RABGAP1L: variants seen among roughly 807,000 people sequenced by gnomAD.
RABGAP1L encodes the protein rab GTPase-activating protein 1-like.
In RABGAP1L, 63 loss-of-function variants were observed where a neutral mutation model predicts 137.7. That is an observed-to-expected ratio of 0.46 (90% CI 0.37 to 0.56). RABGAP1L has a LOEUF of 0.56. Ranked by LOEUF, RABGAP1L falls within the 20% of genes least tolerant of loss-of-function variation. The probability of loss-of-function intolerance (pLI) is 0.00; values close to 1 mark genes in which losing one functional copy is unlikely to be tolerated. For missense variants in RABGAP1L, 1,095 were observed against 1,244.0 expected (o/e 0.88, Z 1.80); for synonymous variants, 431 against 433.7 (o/e 0.99, Z 0.08).
Position 174,829,459 on chromosome 1 carries a change from A to G in RABGAP1L, c.2340+17499A>G, listed in dbSNP as rs559101336. Among the ~76,000 whole-genome samples, 6 of 148,582 alleles carry G rather than the reference A, an allele frequency of 4.0e-5. 2 individuals are homozygous for G. The East Asian group carries it at 1.3e-3, about 31-fold the overall frequency. ...ACCATTCCAGACCGTTAAGACTTAGATAGAAGGTCATCATTCTTCCTTGAT... is the reference window on the plus strand; with the variant it reads ...ACCATTCCAGACCGTTAAGACTTAGGTAGAAGGTCATCATTCTTCCTTGAT... On this transcript the variant is annotated intron_variant, in intron 19 of 25. Transcript: ENST00000681986.
intron 11 of RABGAP1L, among the ~76,000 whole-genome samples, chr1:174,314,309 A>G (rs1193091176): frequency 2.6e-5 from 4 of 152,172 alleles, no homozygotes; most frequent in Non-Finnish European, 5.9e-5. Context: ...AGTTGCGCAT[A>G]GTAACCACTG....
chr1:174,631,741 G>T (rs1353836905), intron 13 of RABGAP1L, among the ~76,000 whole-genome samples: 1 of 140,430 alleles, frequency 7.1e-6, no homozygotes, highest in East Asian at 2.1e-4. Context: ...TTTTCCATTT[G>T]CTTGGTAGAT....
In RABGAP1L at chr1:174,872,546, A is replaced by G. The variant is rs1284889776; in HGVS notation, c.2340+60586A>G. 3.3e-5 allele frequency among the ~76,000 whole-genome samples: 5 copies of G among 150,542 alleles called. No individual in the cohort carries two copies. The East Asian group carries it at 7.7e-4, about 23-fold the overall frequency. ...ATTAAGAATGTATTTATAGAATTTT[A>G]TCTTTCTTATAGTTCTATTTTTTTT... On this transcript the variant is annotated intron_variant, in intron 19 of 25. Transcript: ENST00000681986.
chr1:174,333,778 G>A (rs1053588170), intron 11 of RABGAP1L, among the ~76,000 whole-genome samples: 1 of 152,326 alleles, frequency 6.6e-6, no homozygotes, highest in South Asian at 2.1e-4. Context: ...TGATGCTAGG[G>A]AAGGCTCACT....
chr1:174,334,019 G>C (rs1196239520), intron 11 of RABGAP1L, among the ~76,000 whole-genome samples: 1 of 152,140 alleles, frequency 6.6e-6, no homozygotes, highest in African/African-American at 2.4e-5. Flanking sequence ...TATGTGCAAG[G>C]CTCTGCACAC....
intron 13 of RABGAP1L, among the ~76,000 whole-genome samples, chr1:174,511,420 T>C (rs10912798): frequency 0.39 from 58,610 of 151,696 alleles, 14,184 homozygotes; most frequent in African/African-American, 0.69. Context: ...CTAAGAAGCA[T>C]GAATTTAGAA....
intron 13 of RABGAP1L, among the ~76,000 whole-genome samples, chr1:174,449,801 T>C (rs1655224636): frequency 6.6e-6 from 1 of 152,192 alleles, no homozygotes; most frequent in South Asian, 2.1e-4. Context: ...GCAGCACAGT[T>C]TTTCTGCTAT....
chr1:174,691,949 A>G (rs142190407), intron 15 of RABGAP1L, among the ~76,000 whole-genome samples: 134 of 152,200 alleles, frequency 8.8e-4, no homozygotes, highest in African/African-American at 2.7e-3. Context: ...CTTTATGCCG[A>G]TTGAGGGATA....
chr1:174,661,050 G>A, intron 14 of RABGAP1L, among the ~76,000 whole-genome samples: 1 of 152,178 alleles, frequency 6.6e-6, no homozygotes, highest in East Asian at 1.9e-4. Context: ...CTCAGGGAAA[G>A]AAATGAAAGT....
At chr1:174,308,150 A>T (rs547087098) in intron 11 of RABGAP1L, among the ~76,000 whole-genome samples, 6 of 150,632 alleles carry the variant, frequency 4.0e-5, no homozygotes, top group East Asian at 3.9e-4. Context: ...GTCCATTTAA[A>T]TTTTTTTTTC....
At chr1:174,674,285 G>C (rs1442802711) in intron 14 of RABGAP1L, among the ~76,000 whole-genome samples, 1 of 130,656 alleles carries the variant, frequency 7.7e-6, no homozygotes, top group East Asian at 2.3e-4. Flanking sequence ...TCCCCTTCCT[G>C]TGTCCATGTG....
chr1:174,721,784 T>C (rs2148592447), intron 17 of RABGAP1L, among the ~76,000 whole-genome samples: 1 of 152,370 alleles, frequency 6.6e-6, no homozygotes, highest in Admixed American at 6.5e-5. Flanking sequence ...ATAAATGGTA[T>C]ATGATCATCA....
intron 13 of RABGAP1L, among the ~76,000 whole-genome samples, chr1:174,540,834 G>C (rs1352430706): frequency 2.0e-5 from 3 of 152,192 alleles, no homozygotes; most frequent in Non-Finnish European, 4.4e-5. Flanking sequence ...TGTGAAGAAA[G>C]TCACTGGTAG....
intron 11 of RABGAP1L, among the ~76,000 whole-genome samples, chr1:174,349,966 C>T (rs1394749943): frequency 7.5e-6 from 1 of 133,158 alleles, no homozygotes; most frequent in Non-Finnish European, 1.7e-5. Context: ...GGGGGCTGAC[C>T]CCCCCATCTC....
At chr1:174,888,536 T>C (rs1041492047) in intron 19 of RABGAP1L, among the ~76,000 whole-genome samples, 1 of 152,178 alleles carries the variant, frequency 6.6e-6, no homozygotes, top group Admixed American at 6.5e-5. Context: ...ATAACTTCCC[T>C]ATGTCAGCTT....
chr1:174,433,306 A>C (rs1279868845), intron 13 of RABGAP1L, among the ~76,000 whole-genome samples: 1 of 152,196 alleles, frequency 6.6e-6, no homozygotes, highest in Non-Finnish European at 1.5e-5. Flanking sequence ...TACCTAGAGG[A>C]AAATATGAGA....
Position 174,990,131 on chromosome 1 carries a change from A to G in RABGAP1L, c.*130A>G. On this transcript the variant is annotated 3_prime_UTR_variant, in exon 26 of 26. Coordinates refer to ENST00000681986, the MANE Select transcript of RABGAP1L (RefSeq NM_001366446.1). The stretch of plus-strand genomic sequence containing the variant: ...AAGCCAGAATTTTTCAGTAGCTCTC[A>G]CTCTTTCTTGTATGACACTTTTCAA... 1.7e-6 allele frequency: 2 copies of G among 1,178,888 alleles called. No individual in the cohort carries two copies. Among genetic ancestry groups the G allele is most frequent in the Admixed American group, 5.6e-5 (2 of 35,676 alleles). 73.0% of individuals were successfully genotyped at this position (1,178,888 alleles called of 1,614,324 possible). A position where few individuals can be genotyped will look rare whatever the true frequency, so the allele number is the denominator to read the frequency against.
chr1:174,683,486 A>G, intron 14 of RABGAP1L, 36 bp from the exon 15 acceptor site: 1 of 1,498,238 alleles, frequency 6.7e-7, no homozygotes, highest in Non-Finnish European at 9.3e-7. Context: ...ATCTGTGACT[A>G]TTTACGATAT....
At chr1:174,252,217 G>C (rs546133542) in intron 6 of RABGAP1L, among the ~76,000 whole-genome samples, 1 of 152,200 alleles carries the variant, frequency 6.6e-6, no homozygotes, top group Admixed American at 6.5e-5. Flanking sequence ...TTAAGATCTT[G>C]CTTTTAACTT....
Sources: allele counts gnomAD v4.1 joint callset (sites outside exome capture counted in the v4.1 genomes callset), GRCh38; gene constraint gnomAD v4.1.1; transcripts MANE v1.5; gene names NCBI Gene and HGNC (gene_info 2026-07-23, HGNC 2026-07-21).